The following LRRC37A2 variants were observed in gnomAD, a reference collection of about 807,000 sequenced individuals.
LRRC37A2 encodes the protein leucine rich repeat containing 37 member A2, also known as leucine-rich repeat-containing protein 37A2.
Under a neutral mutation model 68.8 loss-of-function variants are expected in LRRC37A2, and 9 were observed. The observed-to-expected ratio is 0.13, with a 90% confidence interval of 0.08 to 0.23. LRRC37A2 has a LOEUF of 0.23. Ranked by LOEUF, LRRC37A2 falls within the 10% of genes least tolerant of loss-of-function variation. LRRC37A2 has a pLI of 1.00. For synonymous variants in LRRC37A2, 63 were observed against 367.6 expected, an observed-to-expected ratio of 0.17 and a Z score of 9.48; for missense variants, 168 against 950.4, an observed-to-expected ratio of 0.18 and a Z score of 10.82.
chr17:46,906,528 T>C, the LRRC37A2 span, among the ~76,000 whole-genome samples: 1 of 152,226 alleles, frequency 6.6e-6, no homozygotes, highest in Non-Finnish European at 1.5e-5. Flanking sequence ...CAAGCCATCA[T>C]CCTCATGCCT....
At chr17:46,749,631 T>C in the LRRC37A2 span, 1 of 742,138 alleles carries the variant, frequency 1.3e-6, no homozygotes, top group Non-Finnish European at 2.0e-6. Flanking sequence ...AGGAAAATCC[T>C]GAATTGTTTT....
At chr17:46,718,073 A>G in the LRRC37A2 span, among the ~76,000 whole-genome samples, 5 of 152,204 alleles carry the variant, frequency 3.3e-5, no homozygotes, top group African/African-American at 1.2e-4. Context: ...AATGCCCCAC[A>G]GACCTAGGAT....
At chr17:46,896,637 C>T in the LRRC37A2 span, among the ~76,000 whole-genome samples, 1 of 152,070 alleles carries the variant, frequency 6.6e-6, no homozygotes, top group Non-Finnish European at 1.5e-5. Context: ...CCAAGGTTAG[C>T]GCACAGGTCA....
the LRRC37A2 span, among the ~76,000 whole-genome samples, chr17:46,789,153 A>G: frequency 6.6e-6 from 1 of 152,056 alleles, no homozygotes; most frequent in African/African-American, 2.4e-5. Context: ...CTCTTACCTG[A>G]ACCTGGAGCT....
chr17:46,869,348 A>C, the LRRC37A2 span, among the ~76,000 whole-genome samples: 16 of 152,316 alleles, frequency 1.1e-4, no homozygotes, highest in Admixed American at 2.0e-4. Flanking sequence ...AACACTGGCC[A>C]TGCAGAGCTG....
At chr17:47,002,281 C>T in the LRRC37A2 span, among the ~76,000 whole-genome samples, 1 of 152,140 alleles carries the variant, frequency 6.6e-6, no homozygotes, top group Admixed American at 6.6e-5. Flanking sequence ...TACAGGAATG[C>T]AATGCATAAT....
the LRRC37A2 span, among the ~76,000 whole-genome samples, chr17:46,499,434 T>G: frequency 6.7e-6 from 1 of 150,236 alleles, no homozygotes. Flanking sequence ...GAGTCAACTC[T>G]GAAAAATCTA....
the LRRC37A2 span, among the ~76,000 whole-genome samples, chr17:46,894,034 G>T: frequency 6.6e-6 from 1 of 152,190 alleles, no homozygotes; most frequent in African/African-American, 2.4e-5. Context: ...TACAGCCAGT[G>T]AATTCGCCCC....
the LRRC37A2 span, among the ~76,000 whole-genome samples, chr17:46,878,636 C>T: frequency 6.6e-6 from 1 of 152,182 alleles, no homozygotes; most frequent in Non-Finnish European, 1.5e-5. Context: ...CCATCTTGCT[C>T]CTCCGAGACC....
the LRRC37A2 span, among the ~76,000 whole-genome samples, chr17:46,817,324 C>A: frequency 1.3e-5 from 2 of 152,216 alleles, no homozygotes; most frequent in Non-Finnish European, 2.9e-5. Flanking sequence ...ACCCCGGGGG[C>A]CACAGCCCAC....
At chr17:46,714,230 C>T in the LRRC37A2 span, among the ~76,000 whole-genome samples, 2 of 152,124 alleles carry the variant, frequency 1.3e-5, no homozygotes, top group Non-Finnish European at 2.9e-5. Context: ...TATTAAGTTT[C>T]ATTGCCTAGT....
At chr17:46,856,793 A>AT in the LRRC37A2 span, among the ~76,000 whole-genome samples, 4 of 152,168 alleles carry the variant, frequency 2.6e-5, no homozygotes, top group Non-Finnish European at 5.9e-5. Context: ...CAATGCATGC[A>AT]TTTTAAATTG....
the LRRC37A2 span, among the ~76,000 whole-genome samples, chr17:46,980,355 C>CCTTCA: frequency 4.3e-5 from 1 of 23,288 alleles, no homozygotes; most frequent in Admixed American, 3.3e-4. Flanking sequence ...TTCCTTCCTT[C>CCTTCA]TTCTTTCTTT....
the LRRC37A2 span, chr17:46,729,077 G>C: frequency 1.8e-6 from 1 of 551,360 alleles, no homozygotes; most frequent in Non-Finnish European, 3.1e-6. Flanking sequence ...GTCCAGTCTT[G>C]ACTTCTGTTT....
the LRRC37A2 span, among the ~76,000 whole-genome samples, chr17:46,840,240 C>T: frequency 2.0e-3 from 302 of 152,054 alleles, 1 homozygote; most frequent in Non-Finnish European, 3.3e-3. Context: ...GTGCCCGACA[C>T]CACGCCCGGC....
At chr17:47,037,863 A>G in the LRRC37A2 span, among the ~76,000 whole-genome samples, 2,067 of 152,288 alleles carry the variant, frequency 0.014, 22 homozygotes, top group Non-Finnish European at 0.019. Flanking sequence ...AGTAGTTCAT[A>G]TCTTTCTGGT....
chr17:46,970,882 T>G, the LRRC37A2 span, among the ~76,000 whole-genome samples: 1 of 152,226 alleles, frequency 6.6e-6, no homozygotes, highest in Non-Finnish European at 1.5e-5. Context: ...GTGCATATGC[T>G]AGAATAACAT....
At chr17:46,708,464 A>G in the LRRC37A2 span, among the ~76,000 whole-genome samples, 1 of 142,136 alleles carries the variant, frequency 7.0e-6, no homozygotes, top group South Asian at 2.3e-4. Flanking sequence ...ATCTTTTCAT[A>G]TGCTTATCAA....
the LRRC37A2 span, among the ~76,000 whole-genome samples, chr17:46,765,444 C>T: frequency 6.6e-6 from 1 of 152,258 alleles, no homozygotes; most frequent in Non-Finnish European, 1.5e-5. Flanking sequence ...CAAAAAGCTA[C>T]AGAAAAGGTG....
Sources: allele counts gnomAD v4.1 joint callset (sites outside exome capture counted in the v4.1 genomes callset), GRCh38; gene constraint gnomAD v4.1.1; transcripts MANE v1.5; gene names NCBI Gene and HGNC (gene_info 2026-07-23, HGNC 2026-07-21).